KPNA7: variants seen among roughly 807,000 people sequenced by gnomAD.
The protein encoded by KPNA7 is karyopherin subunit alpha 7.
A neutral mutation model predicts 53.7 loss-of-function variants in KPNA7; 54 were observed. The observed-to-expected ratio is 1.01, with a 90% CI of 0.81 to 1.26. The LOEUF is 1.26. Among genes scored for constraint, KPNA7 ranks in the 50% most tolerant of loss-of-function variants. The probability of loss-of-function intolerance (pLI) is 0.00; values close to 1 mark genes in which losing one functional copy is unlikely to be tolerated. For missense variants in KPNA7, 640 were observed against 644.5 expected (o/e 0.99, Z 0.07); for synonymous variants, 276 against 259.3 (o/e 1.06, Z -0.62).
the KPNA7 span, among the ~76,000 whole-genome samples, chr7:99,147,014 T>C: frequency 6.6e-6 from 1 of 152,190 alleles, no homozygotes; most frequent in Admixed American, 6.5e-5. Flanking sequence ...CCATTTGAAA[T>C]TGCTAGATAT....
At position 99,181,838 on chromosome 7, in the gene KPNA7, G is replaced by A. The variant is rs757543939; in HGVS notation, c.1317+45C>T. 7.0e-6 allele frequency: 10 copies of A among 1,420,068 alleles called. No individual in the cohort carries two copies. In the South Asian group the frequency reaches 1.1e-4, roughly 16 times the overall value. The allele number at this position is 1,420,068 out of a possible 1,614,324, so 88.0% of individuals were successfully genotyped here. On this transcript the variant is annotated intron_variant, in intron 9 of 10. Transcript: ENST00000327442. ...GAGCCACATTAAATGCTTGTATCCA[G>A]TTGGAGACAGCTATTTACAAACCAA...
intron 3 of KPNA7, among the ~76,000 whole-genome samples, chr7:99,200,452 C>T (rs1790459676): frequency 6.6e-6 from 1 of 152,162 alleles, no homozygotes; most frequent in Admixed American, 6.6e-5. Context: ...ACATATGCTA[C>T]ATCCCTTTCC....
chr7:99,154,683 C>T, the KPNA7 span, among the ~76,000 whole-genome samples: 1,781 of 151,796 alleles, frequency 0.012, 32 homozygotes, highest in African/African-American at 0.041. Context: ...CCACCACGCC[C>T]GGCTAATTTT....
At chr7:99,183,516 A>T (rs1036550285) in intron 8 of KPNA7, among the ~76,000 whole-genome samples, 9 of 152,174 alleles carry the variant, frequency 5.9e-5, no homozygotes, top group Admixed American at 5.9e-4. Flanking sequence ...ATATGTACAG[A>T]TTTACAGAGG....
intron 1 of KPNA7, among the ~76,000 whole-genome samples, chr7:99,216,274 C>T (rs1169516968): frequency 6.6e-6 from 1 of 152,124 alleles, no homozygotes; most frequent in Non-Finnish European, 1.5e-5. Flanking sequence ...AGTGATCCTC[C>T]CACTTCAGCC....
chr7:99,149,543 T>C, the KPNA7 span, among the ~76,000 whole-genome samples: 2 of 152,188 alleles, frequency 1.3e-5, no homozygotes, highest in East Asian at 1.9e-4. Context: ...CTTATTAGTA[T>C]GTGTGTGATT....
the KPNA7 span, among the ~76,000 whole-genome samples, chr7:99,167,981 T>TCCCCCCAC: frequency 7.3e-6 from 1 of 137,546 alleles, no homozygotes; most frequent in Non-Finnish European, 1.5e-5. Flanking sequence ...CCCAAACCAT[T>TCCCCCCAC]CCCCCACCCC....
At chr7:99,191,550 T>C (rs954771423) in intron 6 of KPNA7, among the ~76,000 whole-genome samples, 2 of 152,172 alleles carry the variant, frequency 1.3e-5, no homozygotes, top group Admixed American at 1.3e-4. Flanking sequence ...AGCAGGAAGA[T>C]GTCTAAGCCC....
At chr7:99,205,394 G>A (rs1790749425) in intron 2 of KPNA7, among the ~76,000 whole-genome samples, 1 of 134,652 alleles carries the variant, frequency 7.4e-6, no homozygotes, top group Non-Finnish European at 1.5e-5. Flanking sequence ...CCTGGTGACA[G>A]AGCAAGACTC....
chr7:99,171,246 A>T (rs1375415988), downstream of KPNA7, among the ~76,000 whole-genome samples: 2 of 152,126 alleles, frequency 1.3e-5, no homozygotes, highest in African/African-American at 4.8e-5. Flanking sequence ...AATAAAGTAC[A>T]TGTTTTTGGA....
At chr7:99,179,108 T>TC (rs147194905) in intron 9 of KPNA7, among the ~76,000 whole-genome samples, 3,497 of 152,220 alleles carry the variant, frequency 0.023, 136 homozygotes, top group African/African-American at 0.081. Context: ...TGTCTTTTGC[T>TC]CAAGTTTCAG....
the KPNA7 span, among the ~76,000 whole-genome samples, chr7:99,162,358 T>C: frequency 6.6e-6 from 1 of 152,164 alleles, no homozygotes; most frequent in Non-Finnish European, 1.5e-5. Context: ...ATTGCATTCT[T>C]TGAGGTACAT....
At chr7:99,173,468 C>CA (rs1312441500), downstream of KPNA7, 1 of 334,260 alleles carries the variant, frequency 3.0e-6, no homozygotes, top group Non-Finnish European at 5.5e-6. Flanking sequence ...GCTGGGATTA[C>CA]AGGTGTGAGC....
downstream of KPNA7, among the ~76,000 whole-genome samples, chr7:99,171,969 G>A (rs774244249): frequency 3.3e-5 from 5 of 152,150 alleles, no homozygotes; most frequent in African/African-American, 4.8e-5. Context: ...GATTACTGAC[G>A]TATTACATTC....
At chr7:99,149,709 T>C in the KPNA7 span, among the ~76,000 whole-genome samples, 1 of 152,198 alleles carries the variant, frequency 6.6e-6, no homozygotes, top group Non-Finnish European at 1.5e-5. Context: ...AGTGGCCAGA[T>C]CATATTAACC....
the KPNA7 span, among the ~76,000 whole-genome samples, chr7:99,159,941 G>A: frequency 6.6e-6 from 1 of 151,366 alleles, no homozygotes; most frequent in African/African-American, 2.4e-5. Context: ...TAGCTTGTCT[G>A]CAGGATTTCT....
At chr7:99,167,497 A>G in the KPNA7 span, among the ~76,000 whole-genome samples, 8 of 152,032 alleles carry the variant, frequency 5.3e-5, no homozygotes, top group Non-Finnish European at 1.2e-4. Context: ...GGTCAAAAAA[A>G]GCTGGAGTAT....
chr7:99,183,395 T>TAAA (rs143332463), intron 8 of KPNA7, among the ~76,000 whole-genome samples: 4 of 152,070 alleles, frequency 2.6e-5, no homozygotes. Flanking sequence ...GACCTCAGCA[T>TAAA]AAAAAACAAA....
intron 8 of KPNA7, 148 bp from the exon 9 acceptor site, chr7:99,182,213 CTT>C: frequency 1.7e-6 from 1 of 578,754 alleles, no homozygotes; most frequent in Non-Finnish European, 3.0e-6. Context: ...GCCTCTAGCT[CTT>C]TCTTTCCCCC....
Sources: allele counts gnomAD v4.1 joint callset (sites outside exome capture counted in the v4.1 genomes callset), GRCh38; gene constraint gnomAD v4.1.1; transcripts MANE v1.5; gene names NCBI Gene and HGNC (gene_info 2026-07-23, HGNC 2026-07-21).